GPC5: variants seen among roughly 807,000 people sequenced by gnomAD.
The protein encoded by GPC5 is glypican-5.
GPC5 carries 47 observed loss-of-function variants against 53.9 expected under a neutral mutation model. The observed-to-expected ratio is 0.87, with a 90% CI of 0.69 to 1.11. The LOEUF is 1.11. Ranked by LOEUF, GPC5 falls within the 50% of genes most tolerant of loss-of-function variation. The probability of loss-of-function intolerance (pLI) is 0.00; values close to 1 mark genes in which losing one functional copy is unlikely to be tolerated. For synonymous variants in GPC5, 286 were observed against 263.3 expected, an observed-to-expected ratio of 1.09 and a Z score of -0.84; for missense variants, 748 against 713.1, an observed-to-expected ratio of 1.05 and a Z score of -0.56.
At chr13:92,388,743 T>C (rs921874151) in intron 7 of GPC5, among the ~76,000 whole-genome samples, 1 of 152,122 alleles carries the variant, frequency 6.6e-6, no homozygotes, top group African/African-American at 2.4e-5. Context: ...AAGTAATATC[T>C]TGACTGAGCA....
At chr13:91,743,070 T>G (rs2036971346) in intron 4 of GPC5, among the ~76,000 whole-genome samples, 1 of 152,132 alleles carries the variant, frequency 6.6e-6, no homozygotes, top group African/African-American at 2.4e-5. Flanking sequence ...GAAAACATCT[T>G]TTCCACCAAG....
At chr13:92,337,198 C>G (rs935646050) in intron 7 of GPC5, among the ~76,000 whole-genome samples, 6 of 109,102 alleles carry the variant, frequency 5.5e-5, no homozygotes, top group African/African-American at 3.4e-4. Context: ...CAGCACCCCC[C>G]ACCCAAAAAA....
intron 2 of GPC5, among the ~76,000 whole-genome samples, chr13:91,455,928 C>A (rs577533328): frequency 2.6e-5 from 4 of 152,062 alleles, no homozygotes; most frequent in Non-Finnish European, 5.9e-5. Context: ...AGTCTAAAGA[C>A]CACATACTTT....
intron 7 of GPC5, among the ~76,000 whole-genome samples, chr13:92,693,541 A>T (rs1887474114): frequency 6.6e-6 from 1 of 152,182 alleles, no homozygotes; most frequent in African/African-American, 2.4e-5. Flanking sequence ...GCTCTTCCCT[A>T]GAGATCTATG....
At chr13:92,409,981 T>C (rs895838228) in intron 7 of GPC5, among the ~76,000 whole-genome samples, 1 of 152,248 alleles carries the variant, frequency 6.6e-6, no homozygotes, top group Non-Finnish European at 1.5e-5. Context: ...TGTGTGTGTA[T>C]GCACACGCAT....
intron 7 of GPC5, among the ~76,000 whole-genome samples, chr13:92,675,279 C>T (rs1045452635): frequency 1.3e-5 from 2 of 152,094 alleles, no homozygotes; most frequent in African/African-American, 2.4e-5. Context: ...TAATTTGTCT[C>T]TTACCAATTC....
intron 2 of GPC5, among the ~76,000 whole-genome samples, chr13:91,509,383 A>G (rs1253548078): frequency 1.7e-5 from 1 of 59,520 alleles, no homozygotes; most frequent in Non-Finnish European, 6.0e-5. Context: ...TAGGTCTTTA[A>G]AAGTGCTCAT....
chr13:92,383,061 G>T (rs556601747), intron 7 of GPC5, among the ~76,000 whole-genome samples: 1 of 149,710 alleles, frequency 6.7e-6, no homozygotes, highest in Admixed American at 6.7e-5. Flanking sequence ...TTTCATAATT[G>T]CAAGATAGCA....
At chr13:92,283,564 G>A (rs1010635242) in intron 7 of GPC5, among the ~76,000 whole-genome samples, 1 of 152,080 alleles carries the variant, frequency 6.6e-6, no homozygotes, top group Non-Finnish European at 1.5e-5. Flanking sequence ...AGTGCAATCA[G>A]ACTAGAACTC....
intron 2 of GPC5, among the ~76,000 whole-genome samples, chr13:91,656,699 A>T (rs190955922): frequency 6.6e-6 from 1 of 152,292 alleles, no homozygotes; most frequent in Admixed American, 6.5e-5. Context: ...TCCACGACCA[A>T]TCCACGACTG....
intron 7 of GPC5, among the ~76,000 whole-genome samples, chr13:92,545,613 T>G (rs541222146): frequency 6.6e-6 from 1 of 152,338 alleles, no homozygotes; most frequent in East Asian, 1.9e-4. Flanking sequence ...ATCGCCATTC[T>G]AACTGGTGTG....
chr13:91,942,631 A>T (rs1594677759), intron 6 of GPC5, among the ~76,000 whole-genome samples: 1 of 151,182 alleles, frequency 6.6e-6, no homozygotes. Flanking sequence ...TTATGAAAAA[A>T]GTAGAGTAGT....
chr13:92,455,630 CTAT>C (rs1360366858), intron 7 of GPC5, among the ~76,000 whole-genome samples: 1 of 152,054 alleles, frequency 6.6e-6, no homozygotes, highest in African/African-American at 2.4e-5. Context: ...TGGTTAAATG[CTAT>C]TATGACAGCC....
In GPC5 at chr13:91,686,268, A is replaced by G. The variant is rs2035620798; in HGVS notation, c.326-6919A>G. Among the ~76,000 whole-genome samples, 4 of 152,156 alleles carry G rather than the reference A, an allele frequency of 2.6e-5. No homozygotes were observed. In the South Asian group the frequency reaches 8.3e-4, roughly 32 times the overall value. ...TTAGAAATAAATGTGAAGCACCATG[A>G]AGCCCAAATTAATGAGGAGGGAAAT... On this transcript the variant is annotated intron_variant, in intron 2 of 7. Coordinates refer to ENST00000377067, the MANE Select transcript of GPC5 (RefSeq NM_004466.6).
intron 5 of GPC5, among the ~76,000 whole-genome samples, chr13:91,907,015 T>C (rs1310972241): frequency 6.7e-6 from 1 of 149,920 alleles, no homozygotes; most frequent in Non-Finnish European, 1.5e-5. Context: ...ATGCCACATG[T>C]GTGATCTGCT....
chr13:91,801,121 C>T (rs1434559351), intron 5 of GPC5, among the ~76,000 whole-genome samples: 1 of 152,100 alleles, frequency 6.6e-6, no homozygotes, highest in Non-Finnish European at 1.5e-5. Flanking sequence ...ATAGCCTAGT[C>T]ATTACATAAC....
At chr13:92,747,356 A>C (rs1889265323) in intron 7 of GPC5, among the ~76,000 whole-genome samples, 1 of 152,198 alleles carries the variant, frequency 6.6e-6, no homozygotes, top group African/African-American at 2.4e-5. Context: ...GAGATAAAAG[A>C]AATTAATAAG....
chr13:91,595,280 C>T (rs2032954756), intron 2 of GPC5, among the ~76,000 whole-genome samples: 1 of 152,080 alleles, frequency 6.6e-6, no homozygotes. Context: ...TTCCAAAGTG[C>T]TGGGACTACA....
intron 7 of GPC5, among the ~76,000 whole-genome samples, chr13:92,649,214 C>T (rs1885878520): frequency 6.6e-6 from 1 of 151,984 alleles, no homozygotes; most frequent in Admixed American, 6.6e-5. Context: ...ACATTTAATC[C>T]AAGTTCAATT....
Sources: allele counts gnomAD v4.1 joint callset (sites outside exome capture counted in the v4.1 genomes callset), GRCh38; gene constraint gnomAD v4.1.1; transcripts MANE v1.5; gene names NCBI Gene and HGNC (gene_info 2026-07-23, HGNC 2026-07-21).